ASIC1: variants seen among roughly 807,000 people sequenced by gnomAD.
ASIC1 encodes the protein acid sensing ion channel subunit 1, also known as acid-sensing ion channel 1.
In ASIC1, 21 loss-of-function variants were observed where a neutral mutation model predicts 63.4. The ratio of observed to expected loss-of-function variants is 0.33; its 90% CI spans 0.23 to 0.48. The LOEUF (loss-of-function observed/expected upper bound fraction) is 0.48, where lower values mean the gene tolerates loss of function less well. Ranked by LOEUF, ASIC1 falls within the 20% of genes least tolerant of loss-of-function variation. The probability of loss-of-function intolerance (pLI) is 0.99; values close to 1 mark genes in which losing one functional copy is unlikely to be tolerated. For synonymous variants in ASIC1, 258 were observed against 278.2 expected, an observed-to-expected ratio of 0.93 and a Z score of 0.72; for missense variants, 478 against 695.5, an observed-to-expected ratio of 0.69 and a Z score of 3.52.
In ASIC1 at chr12:50,058,350, C is replaced by T. The variant is rs1950466947; in HGVS notation, c.-16-401C>T. On this transcript the variant is annotated intron_variant, in intron 1 of 11. Coordinates refer to ENST00000447966, the MANE Select transcript of ASIC1 (RefSeq NM_001095.4). ...CGTGACCAGGACAGGAGCTCCTTAC[C>T]CCGGGGTCAGCCCATCTGGGTGAGT... Among the ~76,000 whole-genome samples the T allele has an allele frequency of 7.2e-5, 11 of 152,184 alleles. No individual in the cohort carries two copies. The South Asian group carries it at 2.3e-3, about 31-fold the overall frequency.
rs61735039 is a variant in ASIC1 at position 50,058,952 on chromosome 12, G to C, written c.186G>C (p.Thr62=). The C allele has an allele frequency of 6.2e-7, 1 of 1,614,132 alleles. No individual in the cohort carries two copies. Among genetic ancestry groups the C allele is most frequent in the Non-Finnish European group, 8.5e-7 (1 of 1,179,988 alleles). The change falls in exon 2 of 12, where the codon ACG becomes ACC. Residue 62 remains threonine (T), a synonymous_variant. Transcript: ENST00000447966. ...TGGCTGTGCTGCTGTGTGTGTGCAC[G>C]GAGCGTGTGCAGTACTACTTCCACT... ...GSLAVLLCVC[T]ERVQYYFHYH... is the part of the protein sequence containing the mutation.
chr12:50,078,797 G>A lies in ASIC1; in HGVS notation c.995-127G>A. Reference sequence around the variant, plus strand: ...CCTGGAGTGGGTCACTTCTGGGGCAGCATGGGGGCCTGCCAGTCCTCCCTT... The same window carrying A: ...CCTGGAGTGGGTCACTTCTGGGGCAACATGGGGGCCTGCCAGTCCTCCCTT... On this transcript the variant is annotated intron_variant, in intron 6 of 11. Coordinates refer to ENST00000447966, the MANE Select transcript of ASIC1 (RefSeq NM_001095.4). The surrounding 1 kb of genome is among the most constrained non-coding windows in gnomAD (Gnocchi z 6.0). 4 of 1,337,682 alleles carry A rather than the reference G, an allele frequency of 3.0e-6. No individual in the cohort carries two copies. Among genetic ancestry groups the A allele is most frequent in the Non-Finnish European group, 4.3e-6 (4 of 934,566 alleles). 82.9% of individuals were successfully genotyped at this position (1,337,682 alleles called of 1,614,324 possible).
At chr12:50,080,100 G>C in intron 8 of ASIC1, 45 bp downstream of exon 8, 1 of 1,566,204 alleles carries the variant, frequency 6.4e-7, no homozygotes, top group Non-Finnish European at 8.6e-7. Context: ...GGTTGGGACT[G>C]TGGAATGGAT....
rs776232671 is a variant in ASIC1, at chr12:50,059,077, C to T, written c.311C>T (p.Ser104Phe). 6.2e-7 allele frequency: 1 copy of T among 1,614,152 alleles called. No homozygotes were observed. The highest frequency in any genetic ancestry group is 2.2e-5 in the East Asian group (1 of 44,882). Residue 104 changes from serine (S) to phenylalanine (F), a missense_variant, in exon 2 of 12, where the codon TCC becomes TTC. Coordinates refer to ENST00000447966, the MANE Select transcript of ASIC1 (RefSeq NM_001095.4). The surrounding 1 kb of genome is among the most constrained non-coding windows in gnomAD (Gnocchi z 4.6). ...NLNEFRFSQV[S>F]KNDLYHAGEL... ...AACGAGTTCCGCTTTAGCCAAGTCT[C>T]CAAGAATGACCTGTATCATGCTGGG...
At chr12:50,060,266 A>C (rs985789072) in intron 3 of ASIC1, among the ~76,000 whole-genome samples, 5 of 152,232 alleles carry the variant, frequency 3.3e-5, no homozygotes, top group African/African-American at 1.2e-4. Context: ...CTTCTAGGCC[A>C]CAGGTGTCAG....
chr12:50,058,775 GAAGGCC>G lies in ASIC1; in HGVS notation c.10_15del (p.Lys4_Ala5del). 1 of 1,581,072 alleles carries G rather than the reference GAAGGCC, an allele frequency of 6.3e-7. No homozygotes were observed. The highest frequency in any genetic ancestry group is 8.6e-7 in the Non-Finnish European group (1 of 1,160,476). On this transcript the variant is annotated inframe_deletion, in exon 2 of 12. Coordinates refer to ENST00000447966, the MANE Select transcript of ASIC1 (RefSeq NM_001095.4). Reference sequence around the variant, plus strand: ...GGATCCCCTCAACAAGGATGGAACTGAAGGCCGAGGAGGAGGAGGTGGGTGGCGTCC... The same window carrying G: ...GGATCCCCTCAACAAGGATGGAACTGGAGGAGGAGGAGGTGGGTGGCGTCC...
At chr12:50,065,108 C>T (rs956093330) in intron 3 of ASIC1, among the ~76,000 whole-genome samples, 26 of 152,174 alleles carry the variant, frequency 1.7e-4, no homozygotes, top group African/African-American at 6.0e-4. Flanking sequence ...ATGTTGGTGT[C>T]TCCCCAGCTA....
At chr12:50,069,831 C>CAATG (rs1950581849) in intron 3 of ASIC1, among the ~76,000 whole-genome samples, 1 of 152,234 alleles carries the variant, frequency 6.6e-6, no homozygotes, top group African/African-American at 2.4e-5. Context: ...TCCACTGTGT[C>CAATG]AATGAGTAAA....
chr12:50,060,308 G>T (rs613066), intron 3 of ASIC1, among the ~76,000 whole-genome samples: 143,065 of 152,240 alleles, frequency 0.94, 67,447 homozygotes, highest in Non-Finnish European at 0.98. Flanking sequence ...AGCTACAGCC[G>T]TGTTACTTGT....
chr12:50,068,608 T>C (rs1381631740), intron 3 of ASIC1, among the ~76,000 whole-genome samples: 1 of 151,958 alleles, frequency 6.6e-6, no homozygotes, highest in Non-Finnish European at 1.5e-5. Context: ...TCGCCAATTT[T>C]CCCACTTAAC....
rs1263032934 is a variant in ASIC1 at position 50,059,730 on chromosome 12, C to T, written c.363-29C>T. 7 of 1,603,234 alleles carry T rather than the reference C, an allele frequency of 4.4e-6. No individual in the cohort carries two copies. Among genetic ancestry groups the T allele is most frequent in the Non-Finnish European group, 6.0e-6 (7 of 1,174,528 alleles). On this transcript the variant is annotated intron_variant, in intron 2 of 11. Coordinates refer to ENST00000447966, the MANE Select transcript of ASIC1 (RefSeq NM_001095.4). The surrounding 1 kb of genome is among the most constrained non-coding windows in gnomAD (Gnocchi z 4.6). ...TGCAGGACACTGATGACTGTACTGACCCGTGTGTCACTCACCCCCGGACCC... is the reference window on the plus strand; with the variant it reads ...TGCAGGACACTGATGACTGTACTGATCCGTGTGTCACTCACCCCCGGACCC...
chr12:50,077,139 G>T, intron 3 of ASIC1, 74 bp from the exon 4 acceptor site: 3 of 1,607,870 alleles, frequency 1.9e-6, no homozygotes, highest in Non-Finnish European at 2.6e-6. Context: ...CAACAGCTGG[G>T]GTGGCTAGGA....
chr12:50,071,310 AG>A (rs1310195591), intron 3 of ASIC1, among the ~76,000 whole-genome samples: 1 of 124,180 alleles, frequency 8.1e-6, no homozygotes, highest in African/African-American at 3.1e-5. Flanking sequence ...TCTGTCCCCC[AG>A]GCTGGAGTGC....
intron 7 of ASIC1, among the ~76,000 whole-genome samples, chr12:50,079,315 G>A (rs1441300162): frequency 6.6e-6 from 1 of 152,198 alleles, no homozygotes; most frequent in Non-Finnish European, 1.5e-5. Context: ...TCTGGAGGCT[G>A]AGGTGGGAGA....
rs1400275601 is a variant in ASIC1, at chr12:50,081,274, G to C, written c.1392G>C (p.Lys464Asn). Residue 464 changes from lysine (K) to asparagine (N), a missense_variant, in exon 11 of 12, where the codon AAG becomes AAC. Physicochemically the swap from Lys to Asn is moderately conservative, Grantham distance 94. Transcript: ENST00000447966. ...CCCCGTCCTAGGTCATTAAGCACAA[G>C]CTGTGCCGACGAGGAAAATGCCAGA... ...FDYAYEVIKHKLCRRGKCQKE... is the reference protein window; with the variant it reads ...FDYAYEVIKHNLCRRGKCQKE... 1.9e-6 allele frequency: 3 copies of C among 1,609,116 alleles called. No homozygotes were observed. Among genetic ancestry groups the C allele is most frequent in the Non-Finnish European group, 2.5e-6 (3 of 1,177,890 alleles).
Position 50,062,641 on chromosome 12 carries a change from CTT to C in ASIC1, c.558+2690_558+2691del, listed in dbSNP as rs779163579. Among the ~76,000 whole-genome samples, 99 of 152,254 alleles carry C rather than the reference CTT, an allele frequency of 6.5e-4. No homozygotes were observed. The Middle Eastern group carries it at 0.027, about 42-fold the overall frequency. ...TAGCGTGCGGGGGCACGTGTGGACTCTTTTGTAGATTTCTAAGGGCAACCCTC... is the reference window on the plus strand; with the variant it reads ...TAGCGTGCGGGGGCACGTGTGGACTCTTGTAGATTTCTAAGGGCAACCCTC... On this transcript the variant is annotated intron_variant, in intron 3 of 11. Transcript: ENST00000447966.
In ASIC1 at chr12:50,059,936, C is replaced by G; in HGVS notation, c.540C>G (p.Ser180Arg). 1 of 1,613,974 alleles carries G rather than the reference C, an allele frequency of 6.2e-7. No individual in the cohort carries two copies. Among genetic ancestry groups the G allele is most frequent in the African/African-American group, 1.3e-5 (1 of 75,032 alleles). Residue 180 changes from serine to arginine, a missense_variant, in exon 3 of 12, where the codon AGC becomes AGG. Ser to Arg is a moderately radical substitution (Grantham distance 110). Transcript: ENST00000447966. The surrounding 1 kb of genome is among the most constrained non-coding windows in gnomAD (Gnocchi z 4.6). Reference sequence around the variant, plus strand: ...GCCACTTCCGGGGGGAGGTCTGCAGCGCTGAAGACTTCAAGGTGGTGAGTC... The same window carrying G: ...GCCACTTCCGGGGGGAGGTCTGCAGGGCTGAAGACTTCAAGGTGGTGAGTC... ...LSCHFRGEVC[S>R]AEDFKVVFTR...
intron 3 of ASIC1, among the ~76,000 whole-genome samples, chr12:50,066,192 G>A (rs544222167): frequency 2.0e-5 from 3 of 152,258 alleles, no homozygotes; most frequent in South Asian, 2.1e-4. Context: ...TTTAGCTCAC[G>A]TGATCTTCAT....
chr12:50,070,563 C>T (rs997070747), intron 3 of ASIC1, among the ~76,000 whole-genome samples: 1 of 152,178 alleles, frequency 6.6e-6, no homozygotes, highest in Non-Finnish European at 1.5e-5. Flanking sequence ...TGTGCGTGCA[C>T]ACCCTTGTCT....
Sources: gnomAD v4.1 joint callset for allele counts (sites outside exome capture counted in the v4.1 genomes callset) on GRCh38, gnomAD v4.1.1 for gene constraint, Gnocchi (gnomAD v3.1) non-coding constraint, MANE v1.5 for transcripts, NCBI Gene and HGNC (gene_info 2026-07-23, HGNC 2026-07-21) for gene names.